DYNC1LI2: variants seen among roughly 807,000 people sequenced by gnomAD.
DYNC1LI2 encodes dynein cytoplasmic 1 light intermediate chain 2.
In DYNC1LI2, 19 loss-of-function variants were observed where a neutral mutation model predicts 57.8. The ratio of observed to expected loss-of-function variants is 0.33; its 90% CI spans 0.23 to 0.48. The LOEUF is 0.48. Among genes scored for constraint, DYNC1LI2 ranks in the 20% least tolerant of loss-of-function variants. The pLI, the probability that DYNC1LI2 is intolerant of heterozygous loss-of-function variation, is 0.99. For missense variants in DYNC1LI2, 470 were observed against 604.2 expected (o/e 0.78, Z 2.33); for synonymous variants, 256 against 233.4 (o/e 1.10, Z -0.88).
chr16:66,751,220 C>A lies in DYNC1LI2; in HGVS notation c.181+53G>T. The A allele has an allele frequency of 1.9e-6, 3 of 1,578,686 alleles. No individual in the cohort carries two copies. Among genetic ancestry groups the A allele is most frequent in the Non-Finnish European group, 2.6e-6 (3 of 1,160,336 alleles). On this transcript the variant is annotated intron_variant, in intron 2 of 12. Coordinates refer to ENST00000258198, the MANE Select transcript of DYNC1LI2 (RefSeq NM_006141.3). This position sits in a 1 kb window ranked among gnomAD's most constrained non-coding sequence, Gnocchi z 5.2. ...AAGGCGGGGACCTGAGGGAGGGGCGCCCGCCTCGCCCACCCCAGCGACCTG... is the reference window on the plus strand; with the variant it reads ...AAGGCGGGGACCTGAGGGAGGGGCGACCGCCTCGCCCACCCCAGCGACCTG...
chr16:66,730,347 T>C lies in DYNC1LI2; in HGVS notation c.930-124A>G, dbSNP rs1265210719. 37 of 803,968 alleles carry C rather than the reference T, an allele frequency of 4.6e-5. No individual in the cohort carries two copies. The East Asian group carries it at 1.0e-3, about 22-fold the overall frequency. The allele number at this position is 803,968 out of a possible 1,614,324, so 49.8% of individuals were successfully genotyped here. On this transcript the variant is annotated intron_variant, in intron 7 of 12. Transcript: ENST00000258198. ...AGATATAGTGTGTAGTTGTTGGGGG[T>C]TGTTTGTAGCTTTTGGCAGATGTGC...
At chr16:66,748,277 CAAAAAAAAAA>C (rs36186799) in intron 3 of DYNC1LI2, among the ~76,000 whole-genome samples, 1 of 66,054 alleles carries the variant, frequency 1.5e-5, no homozygotes, top group Non-Finnish European at 2.9e-5. Context: ...AACCCTGTCT[CAAAAAAAAAA>C]AAAAAAAAAA....
chr16:66,733,995 AAAACAAAC>A (rs199927926), intron 6 of DYNC1LI2: 102 of 496,260 alleles, frequency 2.1e-4, no homozygotes, highest in Non-Finnish European at 3.0e-4. Flanking sequence ...ACACCATCTT[AAAACAAAC>A]AAACAAACAA....
intron 5 of DYNC1LI2, among the ~76,000 whole-genome samples, chr16:66,734,588 G>A (rs1044823263): frequency 1.3e-5 from 2 of 151,622 alleles, no homozygotes; most frequent in Admixed American, 6.6e-5. Flanking sequence ...AGGCAGGCCC[G>A]GTGTACACAG....
At chr16:66,725,544 A>G (rs1176090717) in intron 12 of DYNC1LI2, among the ~76,000 whole-genome samples, 4 of 152,176 alleles carry the variant, frequency 2.6e-5, no homozygotes, top group Non-Finnish European at 5.9e-5. Context: ...GAGGTTCTAC[A>G]ACAGGGCCAC....
chr16:66,734,066 G>A (rs1023274538), intron 6 of DYNC1LI2, 152 bp downstream of exon 6: 10 of 616,376 alleles, frequency 1.6e-5, no homozygotes, highest in East Asian at 2.9e-5. Flanking sequence ...CTAAAACTCC[G>A]ATACAGTAAA....
chr16:66,743,372 G>T (rs2017876063), intron 3 of DYNC1LI2, among the ~76,000 whole-genome samples: 1 of 151,802 alleles, frequency 6.6e-6, no homozygotes, highest in Non-Finnish European at 1.5e-5. Flanking sequence ...GACCGGCCTG[G>T]CCAGCATGGT....
At chr16:66,725,762 C>A in intron 12 of DYNC1LI2, 66 bp downstream of exon 12, 1 of 1,521,688 alleles carries the variant, frequency 6.6e-7, no homozygotes, top group Non-Finnish European at 9.0e-7. Flanking sequence ...GGGCAGGTGT[C>A]TGCCTCTCCA....
chr16:66,725,755 C>A, intron 12 of DYNC1LI2, 73 bp downstream of exon 12: 2 of 1,458,704 alleles, frequency 1.4e-6, no homozygotes, highest in South Asian at 1.2e-5. Context: ...GTCTGCAGGG[C>A]AGGTGTCTGC....
At chr16:66,747,972 T>C (rs138681741) in intron 3 of DYNC1LI2, among the ~76,000 whole-genome samples, 3 of 152,298 alleles carry the variant, frequency 2.0e-5, no homozygotes, top group African/African-American at 7.2e-5. Flanking sequence ...CCAATGGTTA[T>C]TTATTTTTGA....
intron 12 of DYNC1LI2, 23 bp downstream of exon 12, chr16:66,725,798 GAGTCACA>G: frequency 1.2e-6 from 2 of 1,603,540 alleles, no homozygotes; most frequent in Non-Finnish European, 1.7e-6. Flanking sequence ...TCAACCACAA[GAGTCACA>G]AGTCTCCAGG....
rs1294936104 is a variant in DYNC1LI2 at position 66,723,419 on chromosome 16, G to A, written c.*303C>T. ...CTCATTTGCTCCACCCTGTTAGAAAGTGGGCCCTCTTTCTTTCACTCTACC... is the reference window on the plus strand; with the variant it reads ...CTCATTTGCTCCACCCTGTTAGAAAATGGGCCCTCTTTCTTTCACTCTACC... On this transcript the variant is annotated 3_prime_UTR_variant, in exon 13 of 13. Transcript: ENST00000258198. 1.9e-6 allele frequency: 1 copy of A among 516,262 alleles called. No individual in the cohort carries two copies. The highest frequency in any genetic ancestry group is 3.7e-6 in the Non-Finnish European group (1 of 266,852). The allele number at this position is 516,262 out of a possible 1,614,324, so 32.0% of individuals were successfully genotyped here.
intron 4 of DYNC1LI2, among the ~76,000 whole-genome samples, chr16:66,741,186 T>C (rs2017830074): frequency 6.6e-6 from 1 of 152,152 alleles, no homozygotes. Context: ...GAAAACAGCT[T>C]CAGAGAACTG....
At chr16:66,727,529 C>T (rs2017557470) in intron 11 of DYNC1LI2, among the ~76,000 whole-genome samples, 159 bp downstream of exon 11, 1 of 152,198 alleles carries the variant, frequency 6.6e-6, no homozygotes, top group Non-Finnish European at 1.5e-5. Flanking sequence ...GACCTTCTTC[C>T]TCTGGAATGG....
chr16:66,723,288 T>C lies in DYNC1LI2; in HGVS notation c.*434A>G. 1 of 455,704 alleles carries C rather than the reference T, an allele frequency of 2.2e-6. No individual in the cohort carries two copies. The highest frequency in any genetic ancestry group is 4.4e-6 in the Non-Finnish European group (1 of 226,082). 28.2% of individuals were successfully genotyped at this position (455,704 alleles called of 1,614,324 possible). A position where few individuals can be genotyped will look rare whatever the true frequency, so the allele number is the denominator to read the frequency against. On this transcript the variant is annotated 3_prime_UTR_variant, in exon 13 of 13. Transcript: ENST00000258198. ...ACTTGTCTCATTACTCCTTCTGGTC[T>C]TTCTTTCCTGGACTTTCTGCTACTT...
chr16:66,743,335 G>C (rs1049509307), intron 3 of DYNC1LI2, among the ~76,000 whole-genome samples: 1 of 151,970 alleles, frequency 6.6e-6, no homozygotes, highest in Admixed American at 6.6e-5. Context: ...AGGCTGAGGC[G>C]AACTGATCAC....
Position 66,721,137 on chromosome 16 carries a change from A to C in DYNC1LI2, c.*2585T>G, listed in dbSNP as rs949212292. The C allele has an allele frequency of 6.6e-6, 1 of 152,670 alleles. No homozygotes were observed. Among genetic ancestry groups the C allele is most frequent in the African/African-American group, 2.4e-5 (1 of 41,470 alleles). 9.5% of individuals were successfully genotyped at this position (152,670 alleles called of 1,614,324 possible). A position where few individuals can be genotyped will look rare whatever the true frequency, so the allele number is the denominator to read the frequency against. On this transcript the variant is annotated 3_prime_UTR_variant, in exon 13 of 13. Coordinates refer to ENST00000258198, the MANE Select transcript of DYNC1LI2 (RefSeq NM_006141.3). ...TAACATTGTTAAGGTCATGATGTAC[A>C]GAGCAGTCACTTTCAACTTTGTTAA...
chr16:66,723,902 T>C, intron 12 of DYNC1LI2, 80 bp from the exon 13 acceptor site: 1 of 1,140,800 alleles, frequency 8.8e-7, no homozygotes, highest in South Asian at 1.5e-5. Context: ...CATTTAAAAT[T>C]ATACGCCTTC....
chr16:66,723,216 A>T lies in DYNC1LI2; in HGVS notation c.*506T>A. 4.9e-6 allele frequency: 2 copies of T among 408,110 alleles called. No individual in the cohort carries two copies. The highest frequency in any genetic ancestry group is 3.6e-5 in the South Asian group (2 of 55,952). The allele number at this position is 408,110 out of a possible 1,614,324, so 25.3% of individuals were successfully genotyped here. ...TGCACAGTATTTACTGACACTGCTCATCTCCTCCTTCCTCCACCTCCCTCA... is the reference window on the plus strand; with the variant it reads ...TGCACAGTATTTACTGACACTGCTCTTCTCCTCCTTCCTCCACCTCCCTCA... On this transcript the variant is annotated 3_prime_UTR_variant, in exon 13 of 13. Transcript: ENST00000258198.
Sources: gnomAD v4.1 joint callset for allele counts (sites outside exome capture counted in the v4.1 genomes callset) on GRCh38, gnomAD v4.1.1 for gene constraint, Gnocchi (gnomAD v3.1) non-coding constraint, MANE v1.5 for transcripts, NCBI Gene and HGNC (gene_info 2026-07-23, HGNC 2026-07-21) for gene names.